The following RGS21 variants were observed in gnomAD, a reference collection of about 807,000 sequenced individuals.
The protein encoded by RGS21 is regulator of G protein signaling 21.
RGS21 carries 19 observed loss-of-function variants against 18.7 expected under a neutral mutation model. That is an observed-to-expected ratio of 1.01 (90% CI 0.71 to 1.49). RGS21 has a LOEUF of 1.49. Among genes scored for constraint, RGS21 ranks in the 40% most tolerant of loss-of-function variants. The probability of loss-of-function intolerance (pLI) is 0.00; values close to 1 mark genes in which losing one functional copy is unlikely to be tolerated. For synonymous variants in RGS21, 56 were observed against 57.8 expected (o/e 0.97, Z 0.14); for missense variants, 194 against 176.8 (o/e 1.10, Z -0.55).
chr1:192,360,065 T>TCC (rs1287306475), intron 4 of RGS21, among the ~76,000 whole-genome samples: 1 of 151,980 alleles, frequency 6.6e-6, no homozygotes, highest in Admixed American at 6.6e-5. Flanking sequence ...CAAAATGTAT[T>TCC]ATAATGAGAA....
intron 1 of RGS21, among the ~76,000 whole-genome samples, chr1:192,319,510 G>C (rs1332844316): frequency 1.3e-5 from 2 of 151,974 alleles, no homozygotes; most frequent in African/African-American, 4.8e-5. Flanking sequence ...TCCAAAATGA[G>C]AGAAATACCT....
chr1:192,341,351 G>C (rs2102229238), intron 1 of RGS21, among the ~76,000 whole-genome samples: 1 of 152,100 alleles, frequency 6.6e-6, no homozygotes, highest in Non-Finnish European at 1.5e-5. Context: ...TGTATACTTA[G>C]CTTATTACAC....
intron 3 of RGS21, among the ~76,000 whole-genome samples, chr1:192,349,266 A>C (rs1328883053): frequency 6.6e-6 from 1 of 152,160 alleles, no homozygotes; most frequent in African/African-American, 2.4e-5. Flanking sequence ...ACCCTCTGGG[A>C]TTTTATATTT....
At chr1:192,319,104 T>C (rs867123816) in intron 1 of RGS21, among the ~76,000 whole-genome samples, 2 of 151,954 alleles carry the variant, frequency 1.3e-5, no homozygotes, top group African/African-American at 4.8e-5. Flanking sequence ...ATTAGCCTGG[T>C]GTGGTGTGGT....
chr1:192,319,608 G>A (rs185316748), intron 1 of RGS21, among the ~76,000 whole-genome samples: 2 of 152,098 alleles, frequency 1.3e-5, no homozygotes, highest in Admixed American at 6.6e-5. Context: ...AACAAGATGA[G>A]CTTTAAGGGA....
intron 2 of RGS21, among the ~76,000 whole-genome samples, chr1:192,344,538 G>T (rs2102230731): frequency 6.6e-6 from 1 of 152,164 alleles, no homozygotes; most frequent in Non-Finnish European, 1.5e-5. Context: ...CCAATACATA[G>T]TTGTGCATTT....
intron 1 of RGS21, among the ~76,000 whole-genome samples, chr1:192,320,753 A>G (rs1658487071): frequency 6.6e-6 from 1 of 152,182 alleles, no homozygotes; most frequent in South Asian, 2.1e-4. Flanking sequence ...AATAAGAAAT[A>G]ACATGAGAAG....
At chr1:192,339,312 T>G (rs1269800891) in intron 1 of RGS21, among the ~76,000 whole-genome samples, 1 of 152,002 alleles carries the variant, frequency 6.6e-6, no homozygotes, top group Admixed American at 6.6e-5. Context: ...ATTAAGTTCT[T>G]ATTAATTTTT....
At chr1:192,337,375 A>C (rs1444582456) in intron 1 of RGS21, among the ~76,000 whole-genome samples, 4 of 152,136 alleles carry the variant, frequency 2.6e-5, no homozygotes, top group Non-Finnish European at 4.4e-5. Flanking sequence ...TTTTATTAAA[A>C]AGTTAATAAA....
intron 4 of RGS21, among the ~76,000 whole-genome samples, chr1:192,363,284 T>C (rs560863475): frequency 1.3e-5 from 2 of 152,182 alleles, no homozygotes; most frequent in South Asian, 4.1e-4. Flanking sequence ...ACAATAATAA[T>C]AATAAGCTAG....
intron 4 of RGS21, among the ~76,000 whole-genome samples, chr1:192,359,601 A>C (rs1484263543): frequency 6.6e-6 from 1 of 150,552 alleles, no homozygotes; most frequent in East Asian, 1.9e-4. Flanking sequence ...ACTCTATTAA[A>C]GGAAGAAATA....
chr1:192,329,657 G>A (rs1658617666), intron 1 of RGS21, among the ~76,000 whole-genome samples: 1 of 152,054 alleles, frequency 6.6e-6, no homozygotes, highest in African/African-American at 2.4e-5. Flanking sequence ...CAAATGAGGT[G>A]TGTCATGCAA....
At chr1:192,347,217 G>A (rs1356661369) in intron 2 of RGS21, 96 bp from the exon 3 acceptor site, 1 of 751,638 alleles carries the variant, frequency 1.3e-6, no homozygotes, top group Non-Finnish European at 2.3e-6. Context: ...TTAACAGCAT[G>A]AAGTTCATTT....
At chr1:192,347,497 A>T in intron 3 of RGS21, 108 bp downstream of exon 3, 1 of 579,384 alleles carries the variant, frequency 1.7e-6, no homozygotes, top group Non-Finnish European at 3.1e-6. Context: ...AATGAAGTAT[A>T]AAATTATTAA....
At chr1:192,334,098 AT>A in intron 1 of RGS21, among the ~76,000 whole-genome samples, 1 of 152,302 alleles carries the variant, frequency 6.6e-6, no homozygotes, top group African/African-American at 2.4e-5. Flanking sequence ...TATATATAGC[AT>A]TGTCTTTGGG....
chr1:192,321,264 A>G (rs1658493833), intron 1 of RGS21, among the ~76,000 whole-genome samples: 1 of 151,984 alleles, frequency 6.6e-6, no homozygotes, highest in South Asian at 2.1e-4. Context: ...TTGATTTTCG[A>G]GAAGAAATAC....
chr1:192,351,202 A>G (rs1485057299), intron 3 of RGS21, among the ~76,000 whole-genome samples: 2 of 152,260 alleles, frequency 1.3e-5, no homozygotes, highest in Middle Eastern at 3.4e-3. Context: ...TTAAGGCAAC[A>G]TCGGAGAAAA....
chr1:192,319,095 T>C (rs1471138414), intron 1 of RGS21, among the ~76,000 whole-genome samples: 1 of 151,888 alleles, frequency 6.6e-6, no homozygotes, highest in Non-Finnish European at 1.5e-5. Context: ...AATTTAAAAA[T>C]TAGCCTGGTG....
At chr1:192,364,655 T>G (rs1257885732) in intron 4 of RGS21, among the ~76,000 whole-genome samples, 1 of 152,110 alleles carries the variant, frequency 6.6e-6, no homozygotes, top group East Asian at 1.9e-4. Flanking sequence ...TATAGTTCCA[T>G]ACTCCAAAAT....
Sources: allele counts gnomAD v4.1 joint callset (sites outside exome capture counted in the v4.1 genomes callset), GRCh38; gene constraint gnomAD v4.1.1; transcripts MANE v1.5; gene names NCBI Gene and HGNC (gene_info 2026-07-23, HGNC 2026-07-21).